Variants in NEU2 observed in about 807,000 individuals in gnomAD.
The protein encoded by NEU2 is sialidase-2.
A neutral mutation model predicts 6.3 loss-of-function variants in NEU2; 7 were observed. That is an observed-to-expected ratio of 1.12 (90% CI 0.63 to 2.10). The LOEUF is 2.10. NEU2 is among the 30% of genes most tolerant of loss of function. The pLI is 0.00. For missense variants in NEU2, 509 were observed against 504.0 expected (o/e 1.01, Z -0.09); for synonymous variants, 208 against 223.3 (o/e 0.93, Z 0.61).
chr2:233,034,342 C>T lies in NEU2; in HGVS notation c.428C>T (p.Thr143Ile), dbSNP rs1368556399. ...ACCTGGAGCTCCCCCAGAGACCTCA[C>T]TGATGCGGCCATCGGCCCAGCCTAC... The part of the protein sequence containing the change: ...GRTWSSPRDL[T>I]DAAIGPAYRE... The change falls in exon 2 of 2, where the codon ACT (threonine) becomes ATT (isoleucine). Residue 143 changes from threonine (T) to isoleucine (I), a missense_variant. Thr to Ile is a moderately conservative substitution (Grantham distance 89, BLOSUM62 -1). Transcript: ENST00000233840. This position sits in a 1 kb window ranked among gnomAD's most constrained non-coding sequence, Gnocchi z 4.8. The T allele has an allele frequency of 3.1e-6, 5 of 1,614,068 alleles. No homozygotes were observed. The South Asian group carries it at 4.4e-5, about 14-fold the overall frequency.
chr2:233,034,351 C>T lies in NEU2; in HGVS notation c.437C>T (p.Ala146Val), dbSNP rs779571824. 1.9e-6 allele frequency: 3 copies of T among 1,613,996 alleles called. No individual in the cohort carries two copies. Among genetic ancestry groups the T allele is most frequent in the Admixed American group, 3.3e-5 (2 of 60,008 alleles). Residue 146 changes from alanine to valine, a missense_variant, in exon 2 of 2, where the codon GCC becomes GTC. Ala to Val is a moderately conservative substitution (Grantham distance 64). Coordinates refer to ENST00000233840, the MANE Select transcript of NEU2 (RefSeq NM_005383.2). This position sits in a 1 kb window ranked among gnomAD's most constrained non-coding sequence, Gnocchi z 4.8. ...WSSPRDLTDA[A>V]IGPAYREWST... The stretch of plus-strand genomic sequence containing the variant: ...TCCCCCAGAGACCTCACTGATGCGG[C>T]CATCGGCCCAGCCTACCGGGAGTGG...
rs1690552211 is a variant in NEU2, at chr2:233,034,077, G to A, written c.202-39G>A. ...GCAGCTCCTGGCACCATCCCCAGCT[G>A]TTTCAAGGCTGCCTTCTTCTTTCTC... On this transcript the variant is annotated intron_variant, in intron 1 of 1. Coordinates refer to ENST00000233840, the MANE Select transcript of NEU2 (RefSeq NM_005383.2). This position sits in a 1 kb window ranked among gnomAD's most constrained non-coding sequence, Gnocchi z 4.8. The A allele has an allele frequency of 1.9e-6, 3 of 1,552,138 alleles. No homozygotes were observed. Among genetic ancestry groups the A allele is most frequent in the African/African-American group, 2.7e-5 (2 of 73,816 alleles).
chr2:233,034,055 G>T lies in NEU2; in HGVS notation c.202-61G>T, dbSNP rs1690551994. On this transcript the variant is annotated intron_variant, in intron 1 of 1. Transcript: ENST00000233840. The surrounding 1 kb of genome is among the most constrained non-coding windows in gnomAD (Gnocchi z 4.8). ...CGTGCCCACCCCTCCCACTCATGCA[G>T]CTCCTGGCACCATCCCCAGCTGTTT... The T allele has an allele frequency of 8.2e-6, 12 of 1,467,408 alleles. No individual in the cohort carries two copies. Among genetic ancestry groups the T allele is most frequent in the Non-Finnish European group, 7.4e-6 (8 of 1,086,072 alleles). The allele number at this position is 1,467,408 out of a possible 1,614,324, so 90.9% of individuals were successfully genotyped here.
intron 1 of NEU2, among the ~76,000 whole-genome samples, 200 bp downstream of exon 1, chr2:233,033,072 T>C (rs1352081412): frequency 6.6e-6 from 1 of 152,202 alleles, no homozygotes; most frequent in Non-Finnish European, 1.5e-5. Flanking sequence ...TTAGTCCAGC[T>C]GGCCTCCATC....
chr2:233,032,826 T>C lies in NEU2; in HGVS notation c.155T>C (p.Ile52Thr). The C allele has an allele frequency of 1.2e-6, 2 of 1,613,956 alleles. No individual in the cohort carries two copies. Among genetic ancestry groups the C allele is most frequent in the Non-Finnish European group, 1.7e-6 (2 of 1,179,936 alleles). ...AAGAAGGATGAGCACGCAGAGCTGA[T>C]TGTCCTGCGCAGAGGAGACTACGAC... ...ASKKDEHAEL[I>T]VLRRGDYDAP... is the part of the protein sequence containing the mutation. The change falls in exon 1 of 2, where the codon ATT becomes ACT. Residue 52 changes from isoleucine (I) to threonine (T), a missense_variant. By Grantham distance (89) the Ile-to-Thr change is moderately conservative. Coordinates refer to ENST00000233840, the MANE Select transcript of NEU2 (RefSeq NM_005383.2).
chr2:233,034,069 C>T lies in NEU2; in HGVS notation c.202-47C>T, dbSNP rs552555807. 1 of 1,527,530 alleles carries T rather than the reference C, an allele frequency of 6.5e-7. No individual in the cohort carries two copies. Among genetic ancestry groups the T allele is most frequent in the African/African-American group, 1.4e-5 (1 of 73,426 alleles). 94.6% of individuals were successfully genotyped at this position (1,527,530 alleles called of 1,614,324 possible). On this transcript the variant is annotated intron_variant, in intron 1 of 1. Coordinates refer to ENST00000233840, the MANE Select transcript of NEU2 (RefSeq NM_005383.2). The surrounding 1 kb of genome is among the most constrained non-coding windows in gnomAD (Gnocchi z 4.8). ...CCACTCATGCAGCTCCTGGCACCATCCCCAGCTGTTTCAAGGCTGCCTTCT... is the reference window on the plus strand; with the variant it reads ...CCACTCATGCAGCTCCTGGCACCATTCCCAGCTGTTTCAAGGCTGCCTTCT...
Position 233,034,631 on chromosome 2 carries a change from C to T in NEU2, c.717C>T (p.His239=). 6.2e-7 allele frequency: 1 copy of T among 1,605,398 alleles called. No individual in the cohort carries two copies. Among genetic ancestry groups the T allele is most frequent in the Non-Finnish European group, 8.5e-7 (1 of 1,174,510 alleles). Residue 239 remains histidine (H), a synonymous_variant, in exon 2 of 2, where the codon CAC becomes CAT. Transcript: ENST00000233840. The surrounding 1 kb of genome is among the most constrained non-coding windows in gnomAD (Gnocchi z 4.8). ...QRVVTLNARS[H]LRARVQAQST... ...TGGTGACCCTCAACGCGAGAAGCCA[C>T]CTCCGAGCCAGGGTCCAGGCCCAGA...
intron 1 of NEU2, among the ~76,000 whole-genome samples, chr2:233,033,682 CCGTCA>C (rs1468138893): frequency 1.6e-4 from 25 of 152,168 alleles, no homozygotes; most frequent in African/African-American, 5.8e-4. Flanking sequence ...TGAGAGGTGA[CCGTCA>C]CATTCTGTCT....
chr2:233,032,967 G>A (rs1690535699), intron 1 of NEU2, 95 bp downstream of exon 1: 1 of 1,331,034 alleles, frequency 7.5e-7, no homozygotes, highest in Non-Finnish European at 1.0e-6. Flanking sequence ...AGAAATACAG[G>A]GACAACTTTA....
Position 233,034,906 on chromosome 2 carries a change from G to A in NEU2, c.992G>A (p.Ser331Asn). The change falls in exon 2 of 2, where the codon AGC becomes AAC. Residue 331 changes from serine to asparagine, a missense_variant. By Grantham distance (46) the Ser-to-Asn change is conservative (BLOSUM62 1). Coordinates refer to ENST00000233840, the MANE Select transcript of NEU2 (RefSeq NM_005383.2). The surrounding 1 kb of genome is among the most constrained non-coding windows in gnomAD (Gnocchi z 4.8). ...GAGCCGGTACTGCTGGCCAAGGGCA[G>A]CTGTGCCTACTCAGACCTCCAGAGC... ...WSEPVLLAKG[S>N]CAYSDLQSMG... is the part of the protein sequence containing the mutation. 1 of 1,614,156 alleles carries A rather than the reference G, an allele frequency of 6.2e-7. No homozygotes were observed. The highest frequency in any genetic ancestry group is 8.5e-7 in the Non-Finnish European group (1 of 1,180,028).
rs752609104 is a variant in NEU2 at position 233,034,118 on chromosome 2, G to A, written c.204G>A (p.Trp68Ter). 1.2e-6 allele frequency: 2 copies of A among 1,606,914 alleles called. No individual in the cohort carries two copies. The highest frequency in any genetic ancestry group is 2.7e-5 in the African/African-American group (2 of 74,802). The stretch of plus-strand genomic sequence containing the variant: ...CTTCTTTCTCTCTCCCTACTCAGTG[G>A]CAAGCTCAGGAGGTGGTGGCCCAGG... ...DYDAPTHQVQWQAQEVVAQAR... is the reference protein window; with the variant it reads ...DYDAPTHQVQ The change falls in exon 2 of 2, where the codon TGG (tryptophan) becomes TGA (stop). Residue 68 changes from tryptophan to a stop codon, truncating the protein, a stop_gained and splice_region_variant. Transcript: ENST00000233840. LOFTEE classifies it low-confidence loss of function (END_TRUNC). The surrounding 1 kb of genome is among the most constrained non-coding windows in gnomAD (Gnocchi z 4.8).
chr2:233,034,556 G>A lies in NEU2; in HGVS notation c.642G>A (p.Gln214=). Residue 214 remains glutamine, a synonymous_variant, in exon 2 of 2, where the codon CAG becomes CAA. Coordinates refer to ENST00000233840, the MANE Select transcript of NEU2 (RefSeq NM_005383.2). This position sits in a 1 kb window ranked among gnomAD's most constrained non-coding sequence, Gnocchi z 4.8. ...GGGCGCGAGGGCACTTTGTGGCCCAGGACACCCTGGAGTGCCAGGTGGCCG... is the reference window on the plus strand; with the variant it reads ...GGGCGCGAGGGCACTTTGTGGCCCAAGACACCCTGGAGTGCCAGGTGGCCG... ...RTWARGHFVA[Q]DTLECQVAEV... The A allele has an allele frequency of 6.2e-7, 1 of 1,614,102 alleles. No individual in the cohort carries two copies. Among genetic ancestry groups the A allele is most frequent in the Non-Finnish European group, 8.5e-7 (1 of 1,179,978 alleles).
At position 233,032,785 on chromosome 2, in the gene NEU2, G is replaced by C. The variant is rs747879605; in HGVS notation, c.114G>C (p.Ala38=). ...LPGQQSLLAF[A]EQRASKKDEH... is the part of the protein sequence containing the mutation. ...GGCAGCAGTCCCTGCTGGCCTTCGC[G>C]GAACAGCGGGCAAGCAAGAAGGATG... Residue 38 remains alanine (A), a synonymous_variant, in exon 1 of 2, where the codon GCG becomes GCC. Coordinates refer to ENST00000233840, the MANE Select transcript of NEU2 (RefSeq NM_005383.2). The C allele has an allele frequency of 1.2e-6, 2 of 1,614,064 alleles. No homozygotes were observed. The highest frequency in any genetic ancestry group is 2.2e-5 in the South Asian group (2 of 91,090).
intron 1 of NEU2, among the ~76,000 whole-genome samples, chr2:233,033,320 G>A (rs1690539887): frequency 6.6e-6 from 1 of 152,132 alleles, no homozygotes; most frequent in Non-Finnish European, 1.5e-5. Flanking sequence ...TCATTCCTTT[G>A]TGGTCATTAC....
In NEU2 at chr2:233,034,108, C is replaced by G. The variant is rs759044837; in HGVS notation, c.202-8C>G. The G allele has an allele frequency of 6.2e-7, 1 of 1,601,324 alleles. No homozygotes were observed. The highest frequency in any genetic ancestry group is 1.1e-5 in the South Asian group (1 of 89,298). On this transcript the variant is annotated splice_polypyrimidine_tract_variant and splice_region_variant and intron_variant, in intron 1 of 1. Transcript: ENST00000233840. The surrounding 1 kb of genome is among the most constrained non-coding windows in gnomAD (Gnocchi z 4.8). ...AGGCTGCCTTCTTCTTTCTCTCTCC[C>G]TACTCAGTGGCAAGCTCAGGAGGTG...
At chr2:233,032,991 G>A (rs1158370543) in intron 1 of NEU2, 119 bp downstream of exon 1, 3 of 1,076,514 alleles carry the variant, frequency 2.8e-6, no homozygotes, top group Non-Finnish European at 4.0e-6. Flanking sequence ...CTCAATGGCT[G>A]TACTCCGGAG....
chr2:233,034,160 C>T lies in NEU2; in HGVS notation c.246C>T (p.His82=). Residue 82 remains histidine, a synonymous_variant, in exon 2 of 2, where the codon CAC becomes CAT. Coordinates refer to ENST00000233840, the MANE Select transcript of NEU2 (RefSeq NM_005383.2). The surrounding 1 kb of genome is among the most constrained non-coding windows in gnomAD (Gnocchi z 4.8). ...TGGCCCAGGCCCGGCTGGATGGCCA[C>T]CGGTCCATGAACCCATGCCCCTTGT... The part of the protein sequence containing the change: ...EVVAQARLDG[H]RSMNPCPLYD... 1 of 1,613,776 alleles carries T rather than the reference C, an allele frequency of 6.2e-7. No individual in the cohort carries two copies.
chr2:233,032,720 G>A lies in NEU2; in HGVS notation c.49G>A (p.Ala17Thr), dbSNP rs1389819304. 3 of 1,614,126 alleles carry A rather than the reference G, an allele frequency of 1.9e-6. No homozygotes were observed. Among genetic ancestry groups the A allele is most frequent in the Non-Finnish European group, 2.5e-6 (3 of 1,180,058 alleles). Residue 17 changes from alanine (A) to threonine (T), a missense_variant, in exon 1 of 2, where the codon GCC (alanine) becomes ACC (threonine). Transcript: ENST00000233840. ...LQKESVFQSG[A>T]HAYRIPALLY... ...GAAGGAGAGCGTGTTCCAGTCGGGA[G>A]CCCATGCCTACAGAATCCCTGCCCT...
In NEU2 at chr2:233,034,841, C is replaced by T; in HGVS notation, c.927C>T (p.Ala309=). 1 of 1,607,016 alleles carries T rather than the reference C, an allele frequency of 6.2e-7. No individual in the cohort carries two copies. Among genetic ancestry groups the T allele is most frequent in the South Asian group, 1.1e-5 (1 of 90,410 alleles). ...THSWQRADLG[A]YLNPRPPAPE... ...CCTGGCAGAGGGCCGACCTGGGTGC[C>T]TACCTCAACCCGCGACCTCCAGCCC... The change falls in exon 2 of 2, where the codon GCC becomes GCT. Residue 309 remains alanine (A), a synonymous_variant. Coordinates refer to ENST00000233840, the MANE Select transcript of NEU2 (RefSeq NM_005383.2). This position sits in a 1 kb window ranked among gnomAD's most constrained non-coding sequence, Gnocchi z 4.8.
Sources: allele counts gnomAD v4.1 joint callset (sites outside exome capture counted in the v4.1 genomes callset), GRCh38; gene constraint gnomAD v4.1.1; non-coding constraint Gnocchi (gnomAD v3.1); transcripts MANE v1.5; gene names NCBI Gene and HGNC (gene_info 2026-07-23, HGNC 2026-07-21).